The following RIMS1 variants were observed in gnomAD, a reference collection of about 807,000 sequenced individuals.
RIMS1 encodes the protein regulating synaptic membrane exocytosis 1.
A neutral mutation model predicts 214.1 loss-of-function variants in RIMS1; 83 were observed. The observed-to-expected ratio is 0.39, with a 90% CI of 0.32 to 0.47. RIMS1 has a LOEUF of 0.47. RIMS1 is among the 20% of genes least tolerant of loss of function. The pLI is 0.99. For missense variants in RIMS1, 2,050 were observed against 2,161.8 expected, an observed-to-expected ratio of 0.95 and a Z score of 1.03; for synonymous variants, 793 against 786.8, an observed-to-expected ratio of 1.01 and a Z score of -0.13.
chr6:72,097,185 G>C, intron 3 of RIMS1, 23 bp downstream of exon 3: 2 of 1,602,676 alleles, frequency 1.2e-6, no homozygotes, highest in Non-Finnish European at 1.7e-6. Flanking sequence ...TGAACATAAG[G>C]GGCGTTGTGA....
rs1053927132 is a variant in RIMS1 at position 72,383,885 on chromosome 6, A to T, written c.4367-6713A>T. Among the ~76,000 whole-genome samples, 98 of 152,152 alleles carry T rather than the reference A, an allele frequency of 6.4e-4. 1 individual carries two copies. Among genetic ancestry groups the T allele is most frequent in the African/African-American group, 2.3e-3 (96 of 41,438 alleles). ...AATTTGTCACCTCAAAAATAAAAAA[A>T]ATATATTATTTCAGAATAACCAAAA... On this transcript the variant is annotated intron_variant, in intron 29 of 33. Coordinates refer to ENST00000521978, the MANE Select transcript of RIMS1 (RefSeq NM_014989.7).
At chr6:72,271,278 A>ATATATAT (rs1197190014) in intron 22 of RIMS1, among the ~76,000 whole-genome samples, 7 of 51,278 alleles carry the variant, frequency 1.4e-4, no homozygotes, top group Non-Finnish European at 7.5e-5. Context: ...GGAAAAAAAA[A>ATATATAT]AAAAAAAAAT....
intron 32 of RIMS1, 21 bp downstream of exon 32, chr6:72,398,371 A>C: frequency 6.8e-7 from 1 of 1,479,458 alleles, no homozygotes; most frequent in Non-Finnish European, 9.3e-7. Flanking sequence ...GTATTCCTGA[A>C]TTTGGTGAAG....
chr6:72,175,369 T>A lies in RIMS1; in HGVS notation c.472-4206T>A, dbSNP rs982217316. 3 of 426,056 alleles carry A rather than the reference T, an allele frequency of 7.0e-6. No homozygotes were observed. In the Admixed American group the frequency reaches 7.7e-5, roughly 11 times the overall value. The allele number at this position is 426,056 out of a possible 1,614,324, so 26.4% of individuals were successfully genotyped here. A position where few individuals can be genotyped will look rare whatever the true frequency, so the allele number is the denominator to read the frequency against. On this transcript the variant is annotated intron_variant, in intron 4 of 33. Coordinates refer to ENST00000521978, the MANE Select transcript of RIMS1 (RefSeq NM_014989.7). ...AGATGGATTCTTATAAGGAAGACAT[T>A]TGTGTTAATATAAGAATTCTGAGTT...
At chr6:72,109,186 A>C (rs2035468710) in intron 4 of RIMS1, among the ~76,000 whole-genome samples, 2 of 152,114 alleles carry the variant, frequency 1.3e-5, no homozygotes, top group African/African-American at 4.8e-5. Flanking sequence ...TTCATAGCAG[A>C]ATGATTCATA....
At chr6:71,906,565 C>T (rs1470538076) in intron 1 of RIMS1, among the ~76,000 whole-genome samples, 1 of 152,070 alleles carries the variant, frequency 6.6e-6, no homozygotes, top group Non-Finnish European at 1.5e-5. Context: ...TACTAAAATG[C>T]AGGTAATAAC....
intron 4 of RIMS1, among the ~76,000 whole-genome samples, chr6:72,135,726 A>G (rs536324133): frequency 6.6e-6 from 1 of 152,316 alleles, no homozygotes; most frequent in African/African-American, 2.4e-5. Flanking sequence ...TTGTTTCAAT[A>G]AGTGAAAAAT....
chr6:72,316,087 CAAACA>C (rs947468906), intron 28 of RIMS1, among the ~76,000 whole-genome samples: 3 of 151,828 alleles, frequency 2.0e-5, no homozygotes, highest in African/African-American at 7.3e-5. Flanking sequence ...CTTTTTAAAA[CAAACA>C]AAACAAAAAA....
intron 1 of RIMS1, among the ~76,000 whole-genome samples, chr6:71,939,183 C>A (rs896054149): frequency 1.3e-5 from 2 of 152,210 alleles, no homozygotes; most frequent in Non-Finnish European, 2.9e-5. Flanking sequence ...TTTCCAATAT[C>A]TTGTTCCTTA....
chr6:72,042,139 G>A (rs372033345), intron 2 of RIMS1, among the ~76,000 whole-genome samples: 2 of 151,864 alleles, frequency 1.3e-5, no homozygotes, highest in East Asian at 1.9e-4. Context: ...CACAATATTG[G>A]TATTAGTTTT....
intron 15 of RIMS1, 27 bp downstream of exon 15, chr6:72,251,395 C>T (rs1563086300): frequency 1.3e-5 from 20 of 1,513,748 alleles, no homozygotes; most frequent in Non-Finnish European, 1.8e-5. Flanking sequence ...TTAGTTGCCA[C>T]AAAGTAATTA....
At chr6:72,029,898 A>C (rs1817594284) in intron 2 of RIMS1, among the ~76,000 whole-genome samples, 1 of 152,176 alleles carries the variant, frequency 6.6e-6, no homozygotes, top group African/African-American at 2.4e-5. Flanking sequence ...TAACATTGTC[A>C]CATAAAAAGA....
chr6:72,142,822 A>G (rs1056371047), intron 4 of RIMS1, among the ~76,000 whole-genome samples: 3 of 152,180 alleles, frequency 2.0e-5, no homozygotes, highest in Non-Finnish European at 2.9e-5. Flanking sequence ...GACATTTTTA[A>G]TAAACATTGC....
chr6:72,271,280 AAAAAAAATATAT>A (rs1324444722), intron 22 of RIMS1, among the ~76,000 whole-genome samples: 1,410 of 60,142 alleles, frequency 0.023, 17 homozygotes, highest in African/African-American at 0.074. Context: ...AAAAAAAAAA[AAAAAAAATATAT>A]ATATATATAT....
At chr6:72,188,924 C>A (rs774781856) in intron 6 of RIMS1, among the ~76,000 whole-genome samples, 2 of 152,206 alleles carry the variant, frequency 1.3e-5, no homozygotes, top group Admixed American at 6.5e-5. Flanking sequence ...CCCTTCTTGG[C>A]CTGTTGACTT....
intron 26 of RIMS1, among the ~76,000 whole-genome samples, chr6:72,303,189 A>G (rs1028932098): frequency 1.3e-5 from 2 of 151,056 alleles, no homozygotes; most frequent in African/African-American, 4.8e-5. Context: ...CTAGAAAATT[A>G]CTTTATCTCT....
intron 28 of RIMS1, among the ~76,000 whole-genome samples, chr6:72,318,191 C>T (rs1165850427): frequency 1.3e-5 from 2 of 152,052 alleles, no homozygotes; most frequent in Non-Finnish European, 2.9e-5. Context: ...AATTGGCTAG[C>T]TTATCAATTT....
chr6:72,391,600 T>C (rs1326675595), intron 30 of RIMS1, among the ~76,000 whole-genome samples: 1 of 152,218 alleles, frequency 6.6e-6, no homozygotes, highest in East Asian at 1.9e-4. Context: ...TTACTGGAAT[T>C]TTTCTATATT....
chr6:71,900,471 G>C (rs1249915615), intron 1 of RIMS1, among the ~76,000 whole-genome samples: 1 of 152,130 alleles, frequency 6.6e-6, no homozygotes, highest in African/African-American at 2.4e-5. Flanking sequence ...GAAGTATCAA[G>C]AGCAGATTAG....
Sources: allele counts gnomAD v4.1 joint callset (sites outside exome capture counted in the v4.1 genomes callset), GRCh38; gene constraint gnomAD v4.1.1; transcripts MANE v1.5; gene names NCBI Gene and HGNC (gene_info 2026-07-23, HGNC 2026-07-21).